BAZ2B: variants seen among roughly 807,000 people sequenced by gnomAD.
BAZ2B encodes the protein bromodomain adjacent to zinc finger domain protein 2B.
BAZ2B carries 91 observed loss-of-function variants against 246.0 expected under a neutral mutation model. That is an observed-to-expected ratio of 0.37 (90% CI 0.31 to 0.44). The LOEUF is 0.44. Ranked by LOEUF, BAZ2B falls within the 20% of genes least tolerant of loss-of-function variation. The pLI is 1.00. For synonymous variants in BAZ2B, 855 were observed against 860.0 expected, an observed-to-expected ratio of 0.99 and a Z score of 0.10; for missense variants, 2,332 against 2,533.7, an observed-to-expected ratio of 0.92 and a Z score of 1.71.
the BAZ2B span, among the ~76,000 whole-genome samples, chr2:159,699,032 G>A: frequency 1.3e-5 from 2 of 152,160 alleles, no homozygotes; most frequent in Non-Finnish European, 2.9e-5. Context: ...AGTGCCTATA[G>A]CTTGCAAGGA....
At chr2:159,643,448 T>C in the BAZ2B span, among the ~76,000 whole-genome samples, 5 of 152,158 alleles carry the variant, frequency 3.3e-5, no homozygotes, top group African/African-American at 4.8e-5. Context: ...ACAGGCCCCA[T>C]TTCCAAAAAC....
intron 31 of BAZ2B, among the ~76,000 whole-genome samples, chr2:159,346,947 G>A (rs1027702659): frequency 6.6e-6 from 1 of 152,080 alleles, no homozygotes. Flanking sequence ...TATATATGTA[G>A]GGTATGTGTG....
chr2:159,430,796 T>C, intron 10 of BAZ2B, 67 bp downstream of exon 10: 1 of 1,543,444 alleles, frequency 6.5e-7, no homozygotes, highest in Non-Finnish European at 8.7e-7. Flanking sequence ...CAGAACACTC[T>C]TATCAATAAA....
intron 1 of BAZ2B, among the ~76,000 whole-genome samples, chr2:159,570,490 TATTCTTA>T (rs1683732455): frequency 6.6e-6 from 1 of 152,162 alleles, no homozygotes; most frequent in African/African-American, 2.4e-5. Flanking sequence ...CTCCTTACAG[TATTCTTA>T]ATGGGATTTC....
chr2:159,354,551 A>C (rs190172517), intron 27 of BAZ2B, among the ~76,000 whole-genome samples: 1 of 152,242 alleles, frequency 6.6e-6, no homozygotes, highest in African/African-American at 2.4e-5. Context: ...AGGTTTTACC[A>C]TGGTGGTCAG....
chr2:159,679,144 C>T, the BAZ2B span, among the ~76,000 whole-genome samples: 2 of 151,782 alleles, frequency 1.3e-5, no homozygotes, highest in South Asian at 2.1e-4. Flanking sequence ...TGGTGGCGGG[C>T]GCCTGTAGTC....
intron 34 of BAZ2B, among the ~76,000 whole-genome samples, chr2:159,329,678 C>T (rs1403078734): frequency 6.6e-6 from 1 of 151,890 alleles, no homozygotes; most frequent in Non-Finnish European, 1.5e-5. Flanking sequence ...AAACCTTAAC[C>T]CTTCATTATA....
At chr2:159,403,471 T>C (rs1199019688) in intron 16 of BAZ2B, among the ~76,000 whole-genome samples, 1 of 152,128 alleles carries the variant, frequency 6.6e-6, no homozygotes, top group East Asian at 1.9e-4. Context: ...CTCCAGCCAT[T>C]AGTAAATAGA....
chr2:159,411,973 G>A, intron 14 of BAZ2B: 1 of 985,262 alleles, frequency 1.0e-6, no homozygotes, highest in Non-Finnish European at 1.2e-6. Flanking sequence ...TTATTCCCAT[G>A]TACCACCTCA....
intron 2 of BAZ2B, among the ~76,000 whole-genome samples, chr2:159,480,086 T>A (rs1272383102): frequency 6.6e-6 from 1 of 152,146 alleles, no homozygotes; most frequent in African/African-American, 2.4e-5. Context: ...GGCTGTCTGA[T>A]GGTAAGGCCC....
At chr2:159,668,201 A>G in the BAZ2B span, among the ~76,000 whole-genome samples, 1 of 152,174 alleles carries the variant, frequency 6.6e-6, no homozygotes, top group Non-Finnish European at 1.5e-5. Flanking sequence ...TTATATTAAT[A>G]TTATATTCTT....
intron 1 of BAZ2B, among the ~76,000 whole-genome samples, chr2:159,574,603 A>T (rs1384167236): frequency 1.3e-5 from 2 of 152,198 alleles, no homozygotes; most frequent in African/African-American, 4.8e-5. Context: ...TCACAGCAAC[A>T]TTATTCATAA....
the BAZ2B span, among the ~76,000 whole-genome samples, chr2:159,706,090 C>CACACACACACAA: frequency 6.6e-6 from 1 of 151,708 alleles, no homozygotes; most frequent in Non-Finnish European, 1.5e-5. Flanking sequence ...ATATAACACA[C>CACACACACACAA]ACACACACAA....
At chr2:159,332,772 T>A in intron 33 of BAZ2B, 86 bp from the exon 34 acceptor site, 2 of 1,422,538 alleles carry the variant, frequency 1.4e-6, no homozygotes, top group African/African-American at 1.4e-5. Context: ...AATTCCTAAT[T>A]TATATTAGTA....
At chr2:159,706,284 C>G in the BAZ2B span, among the ~76,000 whole-genome samples, 1 of 152,038 alleles carries the variant, frequency 6.6e-6, no homozygotes, top group Non-Finnish European at 1.5e-5. Flanking sequence ...AAGGACTACA[C>G]TAAAATAGTA....
chr2:159,340,031 A>G (rs2066351814), intron 31 of BAZ2B, among the ~76,000 whole-genome samples: 1 of 152,164 alleles, frequency 6.6e-6, no homozygotes, highest in African/African-American at 2.4e-5. Context: ...CTGGAAAACA[A>G]TTCATGATTT....
the BAZ2B span, among the ~76,000 whole-genome samples, chr2:159,640,474 A>C: frequency 1.3e-5 from 2 of 151,484 alleles, no homozygotes; most frequent in African/African-American, 4.8e-5. Context: ...TAAAACATTC[A>C]AAAAAAAACC....
At chr2:159,428,205 T>C (rs2070350527) in intron 12 of BAZ2B, 106 bp downstream of exon 12, 1 of 1,138,326 alleles carries the variant, frequency 8.8e-7, no homozygotes, top group Non-Finnish European at 1.3e-6. Flanking sequence ...TACAAGAGAA[T>C]ATTTAGTATC....
intron 3 of BAZ2B, among the ~76,000 whole-genome samples, chr2:159,467,935 C>T (rs2077285270): frequency 6.6e-6 from 1 of 152,134 alleles, no homozygotes; most frequent in African/African-American, 2.4e-5. Context: ...GGCTTATCAA[C>T]TAAAGGTGCA....
Sources: allele counts gnomAD v4.1 joint callset (sites outside exome capture counted in the v4.1 genomes callset), GRCh38; gene constraint gnomAD v4.1.1; transcripts MANE v1.5; gene names NCBI Gene and HGNC (gene_info 2026-07-23, HGNC 2026-07-21).